The following GFRA1 variants were observed in gnomAD, a reference collection of about 807,000 sequenced individuals.
The protein encoded by GFRA1 is GDNF family receptor alpha-1.
In GFRA1, 16 loss-of-function variants were observed where a neutral mutation model predicts 51.6. The ratio of observed to expected loss-of-function variants is 0.31; its 90% confidence interval spans 0.21 to 0.47. GFRA1 has a LOEUF of 0.47. Ranked by LOEUF, GFRA1 falls within the 20% of genes least tolerant of loss-of-function variation. GFRA1 has a pLI of 1.00. For missense variants in GFRA1, 530 were observed against 594.3 expected (o/e 0.89, Z 1.13); for synonymous variants, 270 against 241.3 (o/e 1.12, Z -1.10).
intron 6 of GFRA1, among the ~76,000 whole-genome samples, chr10:116,122,458 C>T (rs553522433): frequency 7.2e-5 from 11 of 152,284 alleles, no homozygotes; most frequent in African/African-American, 2.2e-4. Context: ...CTTCCTCAGC[C>T]TGAGGCCCTA....
At chr10:116,231,557 A>T (rs1222316339) in intron 4 of GFRA1, among the ~76,000 whole-genome samples, 1 of 152,202 alleles carries the variant, frequency 6.6e-6, no homozygotes, top group African/African-American at 2.4e-5. Flanking sequence ...ATGTTAGGTA[A>T]ATCCAAGGTA....
intron 4 of GFRA1, among the ~76,000 whole-genome samples, chr10:116,262,095 C>A (rs1969343707): frequency 6.6e-6 from 1 of 152,126 alleles, no homozygotes; most frequent in Admixed American, 6.5e-5. Flanking sequence ...GCAGAAAAAT[C>A]AAGAGATGGC....
At chr10:116,160,649 G>C (rs1189668361) in intron 5 of GFRA1, among the ~76,000 whole-genome samples, 2 of 152,160 alleles carry the variant, frequency 1.3e-5, no homozygotes, top group East Asian at 3.9e-4. Flanking sequence ...TTATCTGCAA[G>C]AATAACTGTC....
chr10:116,211,808 C>G (rs1484543100), intron 4 of GFRA1, among the ~76,000 whole-genome samples, 163 bp from the exon 5 acceptor site: 1 of 152,188 alleles, frequency 6.6e-6, no homozygotes, highest in Non-Finnish European at 1.5e-5. Context: ...CTTAAGAGCT[C>G]AAGCTCTGGA....
At chr10:116,085,492 C>T (rs1445032388) in intron 9 of GFRA1, among the ~76,000 whole-genome samples, 2 of 151,852 alleles carry the variant, frequency 1.3e-5, no homozygotes, top group African/African-American at 2.4e-5. Flanking sequence ...CTGGGACAAA[C>T]GCCATTCTAA....
chr10:116,225,167 A>G (rs1010080047), intron 4 of GFRA1, among the ~76,000 whole-genome samples: 1 of 152,194 alleles, frequency 6.6e-6, no homozygotes, highest in Non-Finnish European at 1.5e-5. Context: ...CTCAGACACC[A>G]GATTACAAAA....
In GFRA1 at chr10:116,198,493, C is replaced by T. The variant is rs549910950; in HGVS notation, c.433+13138G>A. Among the ~76,000 whole-genome samples the T allele has an allele frequency of 3.0e-4, 45 of 152,298 alleles. No individual in the cohort carries two copies. The South Asian group carries it at 8.1e-3, about 27-fold the overall frequency. ...AAAAGCCTCCTCTATTTACACTGTA[C>T]CCATGGATTTAATTTCCGATATTTA... is the stretch of plus-strand genomic sequence containing the variant. On this transcript the variant is annotated intron_variant, in intron 5 of 10. Transcript: ENST00000355422.
chr10:116,148,067 CGTGTGTGCATGTGT>C (rs1479649987), intron 5 of GFRA1, among the ~76,000 whole-genome samples: 38 of 66,462 alleles, frequency 5.7e-4, no homozygotes, highest in East Asian at 1.6e-3. Flanking sequence ...TGTGTGCATG[CGTGTGTGCATGTGT>C]GTGTGTGCAT....
intron 5 of GFRA1, among the ~76,000 whole-genome samples, chr10:116,197,875 G>C (rs543751347): frequency 6.6e-6 from 1 of 152,286 alleles, no homozygotes; most frequent in African/African-American, 2.4e-5. Context: ...GCGTGGGCTT[G>C]GACAACAGGT....
chr10:116,077,276 A>G (rs1955659467), intron 9 of GFRA1, among the ~76,000 whole-genome samples: 1 of 152,242 alleles, frequency 6.6e-6, no homozygotes, highest in Admixed American at 6.5e-5. Flanking sequence ...ATTATAATTT[A>G]GAGATACAGC....
chr10:116,209,991 C>T (rs977176477), intron 5 of GFRA1, among the ~76,000 whole-genome samples: 4 of 152,148 alleles, frequency 2.6e-5, no homozygotes, highest in South Asian at 2.1e-4. Flanking sequence ...CACAGAGCAA[C>T]GGGTAGCTTG....
chr10:116,219,662 C>G (rs1226792993), intron 4 of GFRA1, among the ~76,000 whole-genome samples: 4 of 152,138 alleles, frequency 2.6e-5, no homozygotes, highest in African/African-American at 9.7e-5. Context: ...TTTTCCTAAA[C>G]TTCTATCATT....
chr10:116,096,654 C>T lies in GFRA1; in HGVS notation c.880+1G>A. 6.5e-7 allele frequency: 1 copy of T among 1,528,108 alleles called. No individual in the cohort carries two copies. Among genetic ancestry groups the T allele is most frequent in the Non-Finnish European group, 9.1e-7 (1 of 1,102,268 alleles). The allele number at this position is 1,528,108 out of a possible 1,614,324, so 94.7% of individuals were successfully genotyped here. On this transcript the variant is annotated splice_donor_variant, in intron 7 of 10. Coordinates refer to ENST00000355422, the MANE Select transcript of GFRA1 (RefSeq NM_005264.8). LOFTEE classifies it high-confidence loss of function. The stretch of plus-strand genomic sequence containing the variant: ...CCCATCCTGCTTCTCTCGGATCTTA[C>T]CAATAAGCCCCGAGTAGGCGAGGAG...
intron 4 of GFRA1, among the ~76,000 whole-genome samples, chr10:116,230,476 G>A (rs974337989): frequency 6.6e-6 from 1 of 152,144 alleles, no homozygotes; most frequent in African/African-American, 2.4e-5. Flanking sequence ...TCTGCTCCTC[G>A]TAAGTTCCTG....
Position 116,272,318 on chromosome 10 carries a change from G to A in GFRA1, c.-246-43C>T, listed in dbSNP as rs1844022401. Reference sequence around the variant, plus strand: ...CTTTGAGATGAGAGCGGAGAGCGCCGGAGACTCCCCCCACAGAACCCTCTC... The same window carrying A: ...CTTTGAGATGAGAGCGGAGAGCGCCAGAGACTCCCCCCACAGAACCCTCTC... On this transcript the variant is annotated intron_variant, in intron 1 of 10. Coordinates refer to ENST00000355422, the MANE Select transcript of GFRA1 (RefSeq NM_005264.8). This position sits in a 1 kb window ranked among gnomAD's most constrained non-coding sequence, Gnocchi z 4.4. 1.9e-6 allele frequency: 1 copy of A among 539,912 alleles called. No homozygotes were observed. Among genetic ancestry groups the A allele is most frequent in the Non-Finnish European group, 3.3e-6 (1 of 299,852 alleles). The allele number at this position is 539,912 out of a possible 1,614,324, so 33.4% of individuals were successfully genotyped here.
intron 9 of GFRA1, among the ~76,000 whole-genome samples, chr10:116,065,941 T>C (rs1955089442): frequency 6.6e-6 from 1 of 152,228 alleles, no homozygotes; most frequent in African/African-American, 2.4e-5. Context: ...AACATCTCAA[T>C]TCAGACTTAC....
chr10:116,126,832 C>G (rs1402503623), intron 5 of GFRA1, among the ~76,000 whole-genome samples: 1 of 152,192 alleles, frequency 6.6e-6, no homozygotes, highest in Non-Finnish European at 1.5e-5. Context: ...AGAGAAGGCA[C>G]AGTTCGGTTA....
intron 6 of GFRA1, among the ~76,000 whole-genome samples, chr10:116,102,305 A>T (rs2694783): frequency 0.43 from 64,924 of 152,014 alleles, 14,065 homozygotes; most frequent in East Asian, 0.58. Context: ...AATGTTCCAC[A>T]GGCCTTAGAG....
chr10:116,273,653 C>T (rs1267259390), upstream of GFRA1, among the ~76,000 whole-genome samples: 1 of 77,818 alleles, frequency 1.3e-5, no homozygotes, highest in Non-Finnish European at 2.3e-5. Context: ...CACACTCTCT[C>T]TCTCTCTCTC....
Sources: allele counts gnomAD v4.1 joint callset (sites outside exome capture counted in the v4.1 genomes callset), GRCh38; gene constraint gnomAD v4.1.1; non-coding constraint Gnocchi (gnomAD v3.1); transcripts MANE v1.5; gene names NCBI Gene and HGNC (gene_info 2026-07-23, HGNC 2026-07-21).